NECTIN1: variants seen among roughly 807,000 people sequenced by gnomAD.
NECTIN1 encodes the protein nectin cell adhesion molecule 1, also known as nectin-1.
Under a neutral mutation model 48.0 loss-of-function variants are expected in NECTIN1, and 23 were observed. The observed-to-expected ratio is 0.48, with a 90% CI of 0.34 to 0.68. The LOEUF (loss-of-function observed/expected upper bound fraction) is 0.68. Ranked by LOEUF, NECTIN1 falls within the 30% of genes least tolerant of loss-of-function variation. The pLI, the probability that NECTIN1 is intolerant of heterozygous loss-of-function variation, is 0.01. For missense variants in NECTIN1, 591 were observed against 709.9 expected (o/e 0.83, Z 1.90); for synonymous variants, 270 against 288.9 (o/e 0.93, Z 0.66).
At chr11:119,710,199 G>A (rs1029825271) in intron 1 of NECTIN1, among the ~76,000 whole-genome samples, 4 of 152,240 alleles carry the variant, frequency 2.6e-5, no homozygotes, top group African/African-American at 9.6e-5. Context: ...GCGCACCCAA[G>A]CACACATGTG....
intron 1 of NECTIN1, among the ~76,000 whole-genome samples, chr11:119,686,657 G>A (rs1043220319): frequency 1.3e-5 from 2 of 152,028 alleles, no homozygotes; most frequent in African/African-American, 2.4e-5. Flanking sequence ...TTAACAATCC[G>A]GTCGGTTGAG....
intron 5 of NECTIN1, among the ~76,000 whole-genome samples, chr11:119,671,833 G>A (rs922729213): frequency 2.6e-5 from 4 of 152,190 alleles, no homozygotes; most frequent in African/African-American, 7.2e-5. Flanking sequence ...CCAGAGGCAC[G>A]GATGCAGCTG....
intron 5 of NECTIN1, chr11:119,642,602 C>T (rs1292218848): frequency 6.5e-6 from 1 of 153,646 alleles, no homozygotes; most frequent in East Asian, 1.9e-4. Flanking sequence ...CTATAAGGGC[C>T]CTTTCATCAT....
chr11:119,663,120 T>C lies in NECTIN1; in HGVS notation c.*1627A>G, dbSNP rs1864697143. 1.0e-6 allele frequency: 1 copy of C among 985,524 alleles called. No individual in the cohort carries two copies. Among genetic ancestry groups the C allele is most frequent in the Non-Finnish European group, 1.2e-6 (1 of 829,994 alleles). 61.0% of individuals were successfully genotyped at this position (985,524 alleles called of 1,614,324 possible). A position where few individuals can be genotyped will look rare whatever the true frequency, so the allele number is the denominator to read the frequency against. Reference sequence around the variant, plus strand: ...GGTCTGCCTCCCTCCTCCCCAACACTTGCCATCCTGCAGAGCCCCTGACAC... The same window carrying C: ...GGTCTGCCTCCCTCCTCCCCAACACCTGCCATCCTGCAGAGCCCCTGACAC... On this transcript the variant is annotated 3_prime_UTR_variant, in exon 6 of 6. Coordinates refer to ENST00000264025, the MANE Select transcript of NECTIN1 (RefSeq NM_002855.5).
chr11:119,690,246 T>G (rs1447850744), intron 1 of NECTIN1, among the ~76,000 whole-genome samples: 2 of 152,110 alleles, frequency 1.3e-5, no homozygotes, highest in Admixed American at 1.3e-4. Context: ...GGCACAACCA[T>G]GGACTGAGAC....
chr11:119,661,422 C>G lies in NECTIN1; in HGVS notation c.*3325G>C. ...GGTACTGGGCAGTGTGTGAAGCCTC[C>G]CTGTGGGTGTGGGGACCTGGGGCAC... On this transcript the variant is annotated 3_prime_UTR_variant, in exon 6 of 6. Transcript: ENST00000264025. 1 of 985,876 alleles carries G rather than the reference C, an allele frequency of 1.0e-6. No individual in the cohort carries two copies. The highest frequency in any genetic ancestry group is 1.2e-6 in the Non-Finnish European group (1 of 829,982). The allele number at this position is 985,876 out of a possible 1,614,324, so 61.1% of individuals were successfully genotyped here. A position where few individuals can be genotyped will look rare whatever the true frequency, so the allele number is the denominator to read the frequency against.
chr11:119,716,728 CCTT>C (rs1328459318), intron 1 of NECTIN1, among the ~76,000 whole-genome samples: 2 of 152,222 alleles, frequency 1.3e-5, no homozygotes, highest in Non-Finnish European at 2.9e-5. Flanking sequence ...GGCTCCCCCT[CCTT>C]CTCCACCCAC....
chr11:119,706,164 A>C (rs934510035), intron 1 of NECTIN1, among the ~76,000 whole-genome samples: 3 of 152,126 alleles, frequency 2.0e-5, no homozygotes, highest in Non-Finnish European at 2.9e-5. Context: ...TTCCCTGGGC[A>C]CAGGCTTTCC....
chr11:119,686,883 C>G (rs1436695460), intron 1 of NECTIN1, among the ~76,000 whole-genome samples: 2 of 152,136 alleles, frequency 1.3e-5, no homozygotes, highest in Non-Finnish European at 2.9e-5. Flanking sequence ...TGGAAAAGGC[C>G]AGGACTTGAA....
Position 119,663,852 on chromosome 11 carries a change from G to C in NECTIN1, c.*895C>G. 1.0e-6 allele frequency: 1 copy of C among 985,660 alleles called. No homozygotes were observed. The highest frequency in any genetic ancestry group is 1.2e-6 in the Non-Finnish European group (1 of 830,086). The allele number at this position is 985,660 out of a possible 1,614,324, so 61.1% of individuals were successfully genotyped here. On this transcript the variant is annotated 3_prime_UTR_variant, in exon 6 of 6. Coordinates refer to ENST00000264025, the MANE Select transcript of NECTIN1 (RefSeq NM_002855.5). ...AGACCCCATTCTCAGCTTAAAGGGG[G>C]AATGAGGTGGAAATAGACGGGTGGG...
chr11:119,680,508 A>G (rs1197723114), intron 1 of NECTIN1, among the ~76,000 whole-genome samples: 1 of 152,186 alleles, frequency 6.6e-6, no homozygotes, highest in Non-Finnish European at 1.5e-5. Flanking sequence ...GGGATATTGT[A>G]GCAACACAGG....
Position 119,663,259 on chromosome 11 carries a change from G to A in NECTIN1, c.*1488C>T. 1 of 985,558 alleles carries A rather than the reference G, an allele frequency of 1.0e-6. No homozygotes were observed. Among genetic ancestry groups the A allele is most frequent in the Non-Finnish European group, 1.2e-6 (1 of 830,032 alleles). The allele number at this position is 985,558 out of a possible 1,614,324, so 61.1% of individuals were successfully genotyped here. A position where few individuals can be genotyped will look rare whatever the true frequency, so the allele number is the denominator to read the frequency against. ...GCCTGTCTAGAGTGCCAGGGGATCT[G>A]GGAGCAGATGGAGGAACTGAGGCAC... is the stretch of plus-strand genomic sequence containing the variant. On this transcript the variant is annotated 3_prime_UTR_variant, in exon 6 of 6. Transcript: ENST00000264025.
chr11:119,680,523 T>C (rs1487615127), intron 1 of NECTIN1, among the ~76,000 whole-genome samples: 1 of 152,214 alleles, frequency 6.6e-6, no homozygotes, highest in Non-Finnish European at 1.5e-5. Context: ...CACAGGCTCC[T>C]CTGAGGGCCC....
chr11:119,686,850 C>T (rs1865166500), intron 1 of NECTIN1, among the ~76,000 whole-genome samples: 1 of 152,184 alleles, frequency 6.6e-6, no homozygotes, highest in African/African-American at 2.4e-5. Flanking sequence ...GCACACCTGT[C>T]CTAGCGTTTC....
chr11:119,661,973 G>C lies in NECTIN1; in HGVS notation c.*2774C>G. 1 of 985,280 alleles carries C rather than the reference G, an allele frequency of 1.0e-6. No individual in the cohort carries two copies. Among genetic ancestry groups the C allele is most frequent in the Non-Finnish European group, 1.2e-6 (1 of 829,908 alleles). The allele number at this position is 985,280 out of a possible 1,614,324, so 61.0% of individuals were successfully genotyped here. On this transcript the variant is annotated 3_prime_UTR_variant, in exon 6 of 6. Transcript: ENST00000264025. ...ACCTACTCTGTGCTGCTGCTTTTCA[G>C]ACCCTTCTGATAAAAGGGGACTCGG...
chr11:119,674,265 C>G, intron 5 of NECTIN1: 1 of 1,116,698 alleles, frequency 9.0e-7, no homozygotes, highest in Non-Finnish European at 1.1e-6. Flanking sequence ...ACCCTGTCAC[C>G]CTGCAGATAG....
At position 119,728,931 on chromosome 11, in the gene NECTIN1, C is replaced by T. The variant is rs138907015; in HGVS notation, c.-378G>A. ...GCGGCGCGGGCTCCTGGCCCCGGCCCGCTCACACCCTCCCGCTCGGCTCCA... is the reference window on the plus strand; with the variant it reads ...GCGGCGCGGGCTCCTGGCCCCGGCCTGCTCACACCCTCCCGCTCGGCTCCA... On this transcript the variant is annotated 5_prime_UTR_variant, in exon 1 of 6. Transcript: ENST00000264025. The T allele has an allele frequency of 0.014, 2,597 of 179,646 alleles. 31 individuals carry two copies. Among genetic ancestry groups the T allele is most frequent in the Non-Finnish European group, 0.019 (1,678 of 86,548 alleles). The allele number at this position is 179,646 out of a possible 1,614,324, so 11.1% of individuals were successfully genotyped here. A position where few individuals can be genotyped will look rare whatever the true frequency, so the allele number is the denominator to read the frequency against.
At chr11:119,656,542 C>T (rs1223573201), downstream of NECTIN1, 1 of 152,090 alleles carries the variant, frequency 6.6e-6, no homozygotes, top group Non-Finnish European at 1.5e-5. Flanking sequence ...GATGAGGGTC[C>T]CAGGAGTGTT....
rs1864468014 is a variant in NECTIN1, at chr11:119,650,167, TC to T, written c.1004-10156del. 2.6e-5 allele frequency among the ~76,000 whole-genome samples: 4 copies of T among 152,120 alleles called. No homozygotes were observed. The South Asian group carries it at 8.3e-4, about 32-fold the overall frequency. ...GAAGGAATTTCACAAGACAATGTCATCAGTTAAGGCAGGAACGGGCCATTTT... is the reference window on the plus strand; with the variant it reads ...GAAGGAATTTCACAAGACAATGTCATAGTTAAGGCAGGAACGGGCCATTTT... On this transcript the variant is annotated intron_variant, in intron 5 of 7. Coordinates refer to the NECTIN1 transcript ENST00000341398.
Sources: gnomAD v4.1 joint callset for allele counts (sites outside exome capture counted in the v4.1 genomes callset) on GRCh38, gnomAD v4.1.1 for gene constraint, MANE v1.5 for transcripts, NCBI Gene and HGNC (gene_info 2026-07-23, HGNC 2026-07-21) for gene names.